EXD1: variants seen among roughly 807,000 people sequenced by gnomAD.
The protein encoded by EXD1 is exonuclease 3'-5' domain containing 1.
A neutral mutation model predicts 49.1 loss-of-function variants in EXD1; 63 were observed. The ratio of observed to expected loss-of-function variants is 1.28; its 90% CI spans 1.05 to 1.58. The LOEUF (loss-of-function observed/expected upper bound fraction) is 1.58, where lower values mean the gene tolerates loss of function less well. EXD1 is among the 40% of genes most tolerant of loss of function. The probability of loss-of-function intolerance (pLI) is 0.00; values close to 1 mark genes in which losing one functional copy is unlikely to be tolerated. For synonymous variants in EXD1, 234 were observed against 239.2 expected (o/e 0.98, Z 0.20); for missense variants, 748 against 666.0 (o/e 1.12, Z -1.36).
intron 7 of EXD1, among the ~76,000 whole-genome samples, chr15:41,205,687 G>A (rs1001966922): frequency 2.9e-5 from 4 of 140,274 alleles, no homozygotes; most frequent in African/African-American, 5.3e-5. Context: ...GTGAGACCCC[G>A]TCTCAAAAAA....
intron 7 of EXD1, among the ~76,000 whole-genome samples, chr15:41,202,534 G>C (rs557201974): frequency 4.3e-4 from 66 of 152,156 alleles, no homozygotes; most frequent in African/African-American, 1.6e-3. Context: ...CAGTGGCGCA[G>C]CCATAGCTTA....
rs1037383931 is a variant in EXD1, at chr15:41,230,725, G to A, written c.-300C>T. The A allele has an allele frequency of 3.1e-6, 2 of 638,842 alleles. No individual in the cohort carries two copies. The highest frequency in any genetic ancestry group is 1.8e-5 in the African/African-American group (1 of 54,302). 39.6% of individuals were successfully genotyped at this position (638,842 alleles called of 1,614,324 possible). A position where few individuals can be genotyped will look rare whatever the true frequency, so the allele number is the denominator to read the frequency against. On this transcript the variant is annotated 5_prime_UTR_variant, in exon 1 of 12. Coordinates refer to ENST00000458580, the MANE Select transcript of EXD1 (RefSeq NM_001286441.2). Reference sequence around the variant, plus strand: ...CGCCGGGGACACACGCCGCAGAGGCGACGCCCGCCCGGCCCAACGTCCAGT... The same window carrying A: ...CGCCGGGGACACACGCCGCAGAGGCAACGCCCGCCCGGCCCAACGTCCAGT...
At position 41,191,423 on chromosome 15, in the gene EXD1, G is replaced by A. The variant is rs771158183; in HGVS notation, c.864+19C>T. 2 of 1,446,990 alleles carry A rather than the reference G, an allele frequency of 1.4e-6. No individual in the cohort carries two copies. The highest frequency in any genetic ancestry group is 2.3e-5 in the South Asian group (2 of 85,358). 89.6% of individuals were successfully genotyped at this position (1,446,990 alleles called of 1,614,324 possible). On this transcript the variant is annotated intron_variant, in intron 10 of 11. Coordinates refer to ENST00000458580, the MANE Select transcript of EXD1 (RefSeq NM_001286441.2). ...ACTTGAAAAAAAATAATGTCATACA[G>A]GACATCCTTTACACCCACCTGAATT...
At chr15:41,222,638 AT>A (rs10555628) in intron 2 of EXD1, among the ~76,000 whole-genome samples, 27,332 of 133,484 alleles carry the variant, frequency 0.2, 2,311 homozygotes, top group Non-Finnish European at 0.25. Flanking sequence ...TTTTATTTAA[AT>A]TTTTTTTTTT....
chr15:41,227,386 T>C (rs1018052897), intron 1 of EXD1, among the ~76,000 whole-genome samples: 1 of 152,184 alleles, frequency 6.6e-6, no homozygotes, highest in Non-Finnish European at 1.5e-5. Flanking sequence ...AAAAGCCAAA[T>C]TGGCCGGGCG....
intron 11 of EXD1, among the ~76,000 whole-genome samples, chr15:41,188,462 G>A (rs77261607): frequency 0.025 from 3,692 of 148,762 alleles, 146 homozygotes; most frequent in African/African-American, 0.085. Flanking sequence ...GCAGAATCTC[G>A]GCTCACTGCA....
intron 9 of EXD1, among the ~76,000 whole-genome samples, chr15:41,194,861 A>T (rs1452027721): frequency 6.6e-6 from 1 of 152,234 alleles, no homozygotes; most frequent in Non-Finnish European, 1.5e-5. Flanking sequence ...GGCAGCAAAT[A>T]CATTATAAGT....
At chr15:41,200,955 C>T (rs940575025) in intron 7 of EXD1, among the ~76,000 whole-genome samples, 4 of 150,864 alleles carry the variant, frequency 2.7e-5, no homozygotes, top group African/African-American at 7.3e-5. Context: ...CTCACTGCAA[C>T]CTCCACCTCC....
chr15:41,205,294 T>C (rs1043882115), intron 7 of EXD1, among the ~76,000 whole-genome samples: 2 of 152,154 alleles, frequency 1.3e-5, no homozygotes, highest in African/African-American at 2.4e-5. Flanking sequence ...CCAGGAGAGA[T>C]GACTTCAAGA....
intron 7 of EXD1, among the ~76,000 whole-genome samples, chr15:41,200,416 G>C (rs12907506): frequency 2.0e-5 from 3 of 152,092 alleles, no homozygotes; most frequent in African/African-American, 4.8e-5. Flanking sequence ...CCAGCTAGTC[G>C]GGAGGCTGAG....
intron 6 of EXD1, among the ~76,000 whole-genome samples, chr15:41,215,037 A>AC (rs2046979791): frequency 6.6e-6 from 1 of 151,932 alleles, no homozygotes; most frequent in African/African-American, 2.4e-5. Context: ...GAGCCACTGC[A>AC]CCCAGCCTTT....
chr15:41,221,197 A>G (rs2047083399), intron 2 of EXD1, among the ~76,000 whole-genome samples: 1 of 152,252 alleles, frequency 6.6e-6, no homozygotes, highest in Non-Finnish European at 1.5e-5. Context: ...GAAAGTTTGA[A>G]TAACTAGATC....
chr15:41,223,047 C>T (rs984822585), intron 2 of EXD1, among the ~76,000 whole-genome samples: 1 of 150,122 alleles, frequency 6.7e-6, no homozygotes, highest in Non-Finnish European at 1.5e-5. Flanking sequence ...AACTCCTGGG[C>T]TTAAGTGATC....
At chr15:41,214,101 A>G (rs2046963624) in intron 6 of EXD1, among the ~76,000 whole-genome samples, 1 of 152,068 alleles carries the variant, frequency 6.6e-6, no homozygotes, top group Admixed American at 6.6e-5. Flanking sequence ...CGGGAGGTGG[A>G]GCTTGCAGTG....
intron 7 of EXD1, among the ~76,000 whole-genome samples, chr15:41,199,680 CATATATATGAGATATATT>C (rs2046677423): frequency 1.8e-5 from 2 of 109,510 alleles, no homozygotes; most frequent in African/African-American, 7.8e-5. Context: ...TTATATATAT[CATATATATGAGATATATT>C]ACATATATCA....
intron 7 of EXD1, among the ~76,000 whole-genome samples, chr15:41,206,679 T>C (rs1378171456): frequency 3.6e-5 from 5 of 139,270 alleles, no homozygotes; most frequent in Non-Finnish European, 7.6e-5. Flanking sequence ...TGGAGTGCAG[T>C]GGCACAATCT....
intron 7 of EXD1, among the ~76,000 whole-genome samples, chr15:41,196,904 C>A (rs1300191016): frequency 6.6e-6 from 1 of 152,088 alleles, no homozygotes; most frequent in African/African-American, 2.4e-5. Context: ...TGGCTCACTG[C>A]AAATTCAACC....
intron 7 of EXD1, among the ~76,000 whole-genome samples, chr15:41,202,530 C>A (rs1427831301): frequency 1.3e-5 from 2 of 152,022 alleles, no homozygotes; most frequent in African/African-American, 4.8e-5. Context: ...AATGCAGTGG[C>A]GCAGCCATAG....
chr15:41,212,380 G>A lies in EXD1; in HGVS notation c.448-2793C>T, dbSNP rs531466980. 7.9e-5 allele frequency among the ~76,000 whole-genome samples: 12 copies of A among 151,828 alleles called. No homozygotes were observed. In the South Asian group the frequency reaches 2.1e-3, roughly 26 times the overall value. On this transcript the variant is annotated intron_variant, in intron 6 of 11. Transcript: ENST00000458580. ...TGAGGCAGGAGAATGGTGTGAACCC[G>A]GGAGGCAGAGCTTGCAGTGAGCCGA...
Sources: gnomAD v4.1 joint callset for allele counts (sites outside exome capture counted in the v4.1 genomes callset) on GRCh38, gnomAD v4.1.1 for gene constraint, MANE v1.5 for transcripts, NCBI Gene and HGNC (gene_info 2026-07-23, HGNC 2026-07-21) for gene names.